MYCBP2: variants seen among roughly 807,000 people sequenced by gnomAD.
The protein encoded by MYCBP2 is E3 ubiquitin-protein ligase MYCBP2.
A neutral mutation model predicts 525.3 loss-of-function variants in MYCBP2; 120 were observed. The observed-to-expected ratio is 0.23, with a 90% CI of 0.20 to 0.27. The LOEUF (loss-of-function observed/expected upper bound fraction) is 0.27. Among genes scored for constraint, MYCBP2 ranks in the 10% least tolerant of loss-of-function variants. The pLI, the probability that MYCBP2 is intolerant of heterozygous loss-of-function variation, is 1.00. For synonymous variants in MYCBP2, 1,894 were observed against 1,955.8 expected (o/e 0.97, Z 0.83); for missense variants, 4,149 against 5,657.1 (o/e 0.73, Z 8.55).
chr13:77,073,946 G>A (rs1483241921), intron 68 of MYCBP2, among the ~76,000 whole-genome samples: 2 of 150,830 alleles, frequency 1.3e-5, no homozygotes, highest in Non-Finnish European at 2.9e-5. Context: ...TTGACATGGC[G>A]ATTCTCCCTA....
In MYCBP2 at chr13:77,059,592, G is replaced by A. The variant is rs2038895947; in HGVS notation, c.13071C>T (p.Arg4357=). The part of the protein sequence containing the change: ...KPTTSSSEAC[R]FCGSRSGTEL... ...CTGTTCCACTCCTGGAACCACAGAA[G>A]CGACATGCTTCTGAGCTACTCGTGG... The change falls in exon 77 of 83, where the codon CGC becomes CGT. Residue 4357 remains arginine, a synonymous_variant. Coordinates refer to ENST00000544440, the MANE Select transcript of MYCBP2 (RefSeq NM_015057.5). 5 of 1,614,028 alleles carry A rather than the reference G, an allele frequency of 3.1e-6. No homozygotes were observed. Among genetic ancestry groups the A allele is most frequent in the Admixed American group, 1.7e-5 (1 of 60,008 alleles).
chr13:77,308,788 A>G (rs2079780975), intron 1 of MYCBP2, among the ~76,000 whole-genome samples: 1 of 152,218 alleles, frequency 6.6e-6, no homozygotes, highest in Non-Finnish European at 1.5e-5. Context: ...CCTGATGGGG[A>G]ACTAGGGCCT....
At chr13:77,087,411 T>G in intron 62 of MYCBP2, 73 bp downstream of exon 62, 1 of 1,256,892 alleles carries the variant, frequency 8.0e-7, no homozygotes, top group Non-Finnish European at 1.1e-6. Flanking sequence ...TTCATGCAAA[T>G]TATTGGACTA....
intron 55 of MYCBP2, among the ~76,000 whole-genome samples, chr13:77,110,720 CTT>C (rs1379850206): frequency 6.6e-6 from 1 of 152,162 alleles, no homozygotes; most frequent in East Asian, 1.9e-4. Flanking sequence ...TCTTTGTACT[CTT>C]TCTCTTTTTT....
At chr13:77,111,954 A>G (rs894972448) in intron 55 of MYCBP2, among the ~76,000 whole-genome samples, 2 of 152,186 alleles carry the variant, frequency 1.3e-5, no homozygotes, top group African/African-American at 4.8e-5. Context: ...AGACACTGAC[A>G]CTAGGTCACT....
rs1211596157 is a variant in MYCBP2, at chr13:77,093,272, T to C, written c.10260A>G (p.Arg3420=). Residue 3420 remains arginine (R), a synonymous_variant, in exon 59 of 83, where the codon AGA becomes AGG. Coordinates refer to ENST00000544440, the MANE Select transcript of MYCBP2 (RefSeq NM_015057.5). The part of the protein sequence containing the change: ...QDDNLFQDEM[R]YLRSTSVPAP... The stretch of plus-strand genomic sequence containing the variant: ...CAGGTACAGATGTTGAACGTAGATA[T>C]CTCATTTCATCCTGGAATAGATTGT... 2 of 1,613,376 alleles carry C rather than the reference T, an allele frequency of 1.2e-6. No homozygotes were observed. The highest frequency in any genetic ancestry group is 1.3e-5 in the African/African-American group (1 of 74,864).
At chr13:77,136,159 T>C (rs1488101502) in intron 52 of MYCBP2, among the ~76,000 whole-genome samples, 1 of 152,200 alleles carries the variant, frequency 6.6e-6, no homozygotes, top group South Asian at 2.1e-4. Flanking sequence ...CATCTGTGTG[T>C]CTTCAAGTCC....
At chr13:77,090,595 T>C in intron 59 of MYCBP2, 1 of 168,412 alleles carries the variant, frequency 5.9e-6, no homozygotes, top group South Asian at 1.8e-4. Context: ...CAGTCAGATA[T>C]AATCGTAAGT....
At chr13:77,270,689 T>C in intron 5 of MYCBP2, 151 bp from the exon 6 acceptor site, 1 of 831,162 alleles carries the variant, frequency 1.2e-6, no homozygotes, top group Middle Eastern at 3.8e-4. Context: ...AACTAAAAGT[T>C]CATCTATAAG....
In MYCBP2 at chr13:77,270,470, C is replaced by T. The variant is rs1172232772; in HGVS notation, c.1014G>A (p.Gln338=). 6.2e-7 allele frequency: 1 copy of T among 1,613,672 alleles called. No individual in the cohort carries two copies. ...TCTTAATGCCATTACTAAACCAGTC[C>T]TGAATTTGAATTTTTCCCACCAAAA... The part of the protein sequence containing the change: ...QAVLVGKIQI[Q]DWFSNGIKKA... The change falls in exon 6 of 83, where the codon CAG becomes CAA. Residue 338 remains glutamine, a synonymous_variant. Transcript: ENST00000544440.
chr13:77,095,907 T>G (rs1403624580), intron 57 of MYCBP2, among the ~76,000 whole-genome samples: 1 of 152,054 alleles, frequency 6.6e-6, no homozygotes, highest in Non-Finnish European at 1.5e-5. Context: ...TTCAGTGAAA[T>G]TTTTTAGTTA....
intron 18 of MYCBP2, 76 bp from the exon 19 acceptor site, chr13:77,225,630 A>C (rs1299740178): frequency 1.9e-6 from 3 of 1,547,174 alleles, no homozygotes; most frequent in Non-Finnish European, 2.7e-6. Context: ...TCAGTTTATT[A>C]TGGAAGAACA....
chr13:77,106,447 G>A (rs1004105388), intron 55 of MYCBP2, among the ~76,000 whole-genome samples: 1 of 152,046 alleles, frequency 6.6e-6, no homozygotes, highest in Non-Finnish European at 1.5e-5. Flanking sequence ...CAATATACTG[G>A]AAATACATTA....
chr13:77,181,834 G>A lies in MYCBP2; in HGVS notation c.4808C>T (p.Thr1603Ile). The A allele has an allele frequency of 1.2e-6, 2 of 1,614,090 alleles. No individual in the cohort carries two copies. Among genetic ancestry groups the A allele is most frequent in the Non-Finnish European group, 1.7e-6 (2 of 1,180,014 alleles). ...ATCATACGCAATCGGGAAGATGGAA[G>A]TCAGCTTAACAGACGTGTGACACAG... ...SALCHTSVKLTSIFPIAYDGE... is the reference protein window; with the variant it reads ...SALCHTSVKLISIFPIAYDGE... The change falls in exon 33 of 83, where the codon ACT becomes ATT. Residue 1603 changes from threonine (T) to isoleucine (I), a missense_variant. By Grantham distance (89) the Thr-to-Ile change is moderately conservative. Coordinates refer to ENST00000544440, the MANE Select transcript of MYCBP2 (RefSeq NM_015057.5).
chr13:77,283,952 AGTT>A (rs2076470942), intron 3 of MYCBP2, among the ~76,000 whole-genome samples: 1 of 152,188 alleles, frequency 6.6e-6, no homozygotes, highest in Admixed American at 6.5e-5. Flanking sequence ...AAATCTGTAA[AGTT>A]TTAGAGGATG....
At chr13:77,235,235 C>T (rs2067731929) in intron 17 of MYCBP2, among the ~76,000 whole-genome samples, 2 of 151,794 alleles carry the variant, frequency 1.3e-5, no homozygotes, top group African/African-American at 4.8e-5. Flanking sequence ...ACAATAAATG[C>T]TATAAAAGAA....
chr13:77,240,184 T>C (rs2068600048), intron 17 of MYCBP2, among the ~76,000 whole-genome samples: 1 of 152,228 alleles, frequency 6.6e-6, no homozygotes, highest in African/African-American at 2.4e-5. Flanking sequence ...AAAAGTGTCA[T>C]ATCAGAATAG....
intron 55 of MYCBP2, among the ~76,000 whole-genome samples, chr13:77,120,622 T>C (rs552339929): frequency 3.4e-4 from 52 of 152,184 alleles, no homozygotes; most frequent in Non-Finnish European, 6.8e-4. Flanking sequence ...ACAATAGGGC[T>C]GATTTTGAAG....
intron 46 of MYCBP2, among the ~76,000 whole-genome samples, chr13:77,151,447 C>T (rs1278985905): frequency 6.6e-6 from 1 of 152,096 alleles, no homozygotes; most frequent in Non-Finnish European, 1.5e-5. Context: ...TACCTAAAGC[C>T]CAAATATGTT....
Sources: gnomAD v4.1 joint callset for allele counts (sites outside exome capture counted in the v4.1 genomes callset) on GRCh38, gnomAD v4.1.1 for gene constraint, MANE v1.5 for transcripts, NCBI Gene and HGNC (gene_info 2026-07-23, HGNC 2026-07-21) for gene names.